The following LIPA variants were observed in gnomAD, a reference collection of about 807,000 sequenced individuals.
LIPA encodes the protein lysosomal acid lipase/cholesteryl ester hydrolase.
In LIPA, 26 loss-of-function variants were observed where a neutral mutation model predicts 40.6. That is an observed-to-expected ratio of 0.64 (90% CI 0.47 to 0.89). The LOEUF (loss-of-function observed/expected upper bound fraction) is 0.89. LIPA is among the 40% of genes least tolerant of loss of function. The pLI, the probability that LIPA is intolerant of heterozygous loss-of-function variation, is 0.00. For synonymous variants in LIPA, 188 were observed against 168.4 expected, an observed-to-expected ratio of 1.12 and a Z score of -0.90; for missense variants, 455 against 479.6, an observed-to-expected ratio of 0.95 and a Z score of 0.48.
At chr10:89,272,841 T>C (rs1367426754) in intron 1 of LIPA, among the ~76,000 whole-genome samples, 2 of 152,268 alleles carry the variant, frequency 1.3e-5, no homozygotes, top group African/African-American at 4.8e-5. Context: ...ATTTCTCTAA[T>C]GAACAGTAAT....
At chr10:89,241,820 T>C (rs1472014597) in intron 3 of LIPA, among the ~76,000 whole-genome samples, 1 of 152,100 alleles carries the variant, frequency 6.6e-6, no homozygotes, top group African/African-American at 2.4e-5. Context: ...ATATATAAAA[T>C]ATATATTGTG....
rs562544471 is a variant in LIPA, at chr10:89,396,316, T to A, written c.61+16475A>T. On this transcript the variant is annotated intron_variant, in intron 2 of 8. Coordinates refer to the LIPA transcript ENST00000371837. ...GCAACAATTTCTAAGGCTGGGCAAT[T>A]TCTAAAGAAAAAAGGTTTATTTAGC... Among the ~76,000 whole-genome samples the A allele has an allele frequency of 2.6e-5, 4 of 152,288 alleles. No homozygotes were observed. The South Asian group carries it at 6.2e-4, about 24-fold the overall frequency.
intron 1 of LIPA, among the ~76,000 whole-genome samples, chr10:89,269,636 A>G (rs1313639663): frequency 6.6e-6 from 1 of 152,210 alleles, no homozygotes; most frequent in African/African-American, 2.4e-5. Flanking sequence ...TCTGAAGCTT[A>G]TATGTTCCTC....
intron 1 of LIPA, among the ~76,000 whole-genome samples, chr10:89,256,940 T>C (rs1843184631): frequency 6.6e-6 from 1 of 152,194 alleles, no homozygotes; most frequent in Non-Finnish European, 1.5e-5. Context: ...AAAAGGAGAC[T>C]CTACATAAGA....
At chr10:89,398,900 G>A (rs1389699884) in intron 2 of LIPA, among the ~76,000 whole-genome samples, 1 of 152,110 alleles carries the variant, frequency 6.6e-6, no homozygotes, top group African/African-American at 2.4e-5. Flanking sequence ...ACCAAAAGTG[G>A]AATTGCTGGA....
At chr10:89,273,275 G>A (rs563906578) in intron 1 of LIPA, among the ~76,000 whole-genome samples, 54 of 152,264 alleles carry the variant, frequency 3.5e-4, no homozygotes, top group Non-Finnish European at 6.9e-4. Context: ...GGAGGAAGAT[G>A]AGAGGATGAG....
chr10:89,246,191 G>C (rs939464132), intron 2 of LIPA, among the ~76,000 whole-genome samples: 1 of 152,106 alleles, frequency 6.6e-6, no homozygotes. Flanking sequence ...GAGATCCCCT[G>C]CTGGCCAATA....
intron 1 of LIPA, among the ~76,000 whole-genome samples, chr10:89,295,895 T>G (rs188212726): frequency 6.6e-6 from 1 of 152,322 alleles, no homozygotes; most frequent in East Asian, 1.9e-4. Flanking sequence ...CTAACCCAGC[T>G]ACTAAATCAG....
chr10:89,337,597 G>A (rs984952028), intron 1 of LIPA, among the ~76,000 whole-genome samples: 18 of 152,170 alleles, frequency 1.2e-4, no homozygotes, highest in African/African-American at 3.9e-4. Flanking sequence ...GCAGGCTTTC[G>A]CCATGTTGCC....
chr10:89,246,384 T>C (rs1843025379), intron 2 of LIPA, among the ~76,000 whole-genome samples: 1 of 152,204 alleles, frequency 6.6e-6, no homozygotes, highest in Non-Finnish European at 1.5e-5. Context: ...AATTCAATTA[T>C]CCAGGGGATT....
chr10:89,363,030 G>T (rs114364482), intron 2 of LIPA: 2,835 of 240,538 alleles, frequency 0.012, 92 homozygotes, highest in African/African-American at 0.059. Context: ...CACTGAAAAA[G>T]CTCTAATCAG....
chr10:89,303,758 G>C (rs1843460633), intron 1 of LIPA, among the ~76,000 whole-genome samples: 1 of 152,180 alleles, frequency 6.6e-6, no homozygotes, highest in Non-Finnish European at 1.5e-5. Flanking sequence ...AGGAGCTAAG[G>C]AGTTTATGTG....
intron 1 of LIPA, chr10:89,340,557 C>CGA (rs758051343): frequency 3.3e-5 from 2 of 60,626 alleles, no homozygotes; most frequent in Middle Eastern, 8.3e-3. Flanking sequence ...GACTCCATCT[C>CGA]AAAAAAAAAA....
intron 8 of LIPA, among the ~76,000 whole-genome samples, chr10:89,216,410 C>CGT (rs1554864480): frequency 2.8e-5 from 4 of 145,242 alleles, no homozygotes; most frequent in Non-Finnish European, 6.0e-5. Flanking sequence ...TATATATATA[C>CGT]ATATATATAT....
chr10:89,250,089 T>TTTCTTTTC (rs1467918966), intron 1 of LIPA, among the ~76,000 whole-genome samples: 12,650 of 85,402 alleles, frequency 0.15, 1,219 homozygotes, highest in South Asian at 0.23. Flanking sequence ...TTCTTTTTCT[T>TTTCTTTTC]TTTCTTTTCT....
At chr10:89,253,925 C>T (rs1164156384), upstream of LIPA, among the ~76,000 whole-genome samples, 1 of 152,242 alleles carries the variant, frequency 6.6e-6, no homozygotes, top group Non-Finnish European at 1.5e-5. Flanking sequence ...CCATGTCTCA[C>T]ATCCAGGTCA....
chr10:89,386,304 A>T (rs1030097611), intron 2 of LIPA, among the ~76,000 whole-genome samples: 1 of 152,192 alleles, frequency 6.6e-6, no homozygotes, highest in African/African-American at 2.4e-5. Flanking sequence ...GAAAGCGGGG[A>T]GTGACCAATG....
chr10:89,229,176 A>G (rs1167908733), intron 3 of LIPA, among the ~76,000 whole-genome samples: 1 of 152,236 alleles, frequency 6.6e-6, no homozygotes, highest in Non-Finnish European at 1.5e-5. Context: ...ACTCAGCCCT[A>G]AAAGGAAATG....
intron 2 of LIPA, among the ~76,000 whole-genome samples, chr10:89,363,969 T>C (rs919833252): frequency 1.3e-5 from 2 of 152,214 alleles, no homozygotes; most frequent in Admixed American, 6.5e-5. Context: ...AGTGAAGCTG[T>C]GCTGTCCTAT....
Sources: allele counts gnomAD v4.1 joint callset (sites outside exome capture counted in the v4.1 genomes callset), GRCh38; gene constraint gnomAD v4.1.1; transcripts MANE v1.5; gene names NCBI Gene and HGNC (gene_info 2026-07-23, HGNC 2026-07-21).